Variants in SMYD3 observed in about 807,000 individuals in gnomAD.
SMYD3 encodes the protein histone-lysine N-methyltransferase SMYD3.
Under a neutral mutation model 57.7 loss-of-function variants are expected in SMYD3, and 36 were observed. The ratio of observed to expected loss-of-function variants is 0.62; its 90% confidence interval spans 0.48 to 0.82. SMYD3 has a LOEUF of 0.82. SMYD3 is among the 40% of genes least tolerant of loss of function. The pLI, the probability that SMYD3 is intolerant of heterozygous loss-of-function variation, is 0.00. For synonymous variants in SMYD3, 211 were observed against 195.0 expected (o/e 1.08, Z -0.68); for missense variants, 515 against 538.8 (o/e 0.96, Z 0.44).
intron 5 of SMYD3, among the ~76,000 whole-genome samples, chr1:246,173,971 T>G (rs1165981495): frequency 1.3e-5 from 2 of 152,066 alleles, no homozygotes; most frequent in African/African-American, 4.8e-5. Context: ...CACACCTGAC[T>G]ATTTTTTATT....
intron 5 of SMYD3, among the ~76,000 whole-genome samples, chr1:246,275,875 T>C (rs2064321649): frequency 6.6e-6 from 1 of 152,146 alleles, no homozygotes; most frequent in Admixed American, 6.5e-5. Context: ...CTAGCCGTAT[T>C]AACACTGGCA....
At position 245,817,599 on chromosome 1, in the gene SMYD3, G is replaced by C. The variant is rs1420534952; in HGVS notation, c.1076+40897C>G. ...AGGCTTCAGACGATCAAATTACTCT[G>C]AGCTATGGGAGGACATTCAAACCAA... is the stretch of plus-strand genomic sequence containing the variant. On this transcript the variant is annotated intron_variant, in intron 10 of 11. Coordinates refer to ENST00000490107, the MANE Select transcript of SMYD3 (RefSeq NM_001167740.2). 9.5e-4 allele frequency among the ~76,000 whole-genome samples: 145 copies of C among 152,090 alleles called. 1 individual carries two copies. In the South Asian group the frequency reaches 0.03, roughly 31 times the overall value.
At chr1:246,332,120 A>T (rs1191416773) in intron 3 of SMYD3, among the ~76,000 whole-genome samples, 2 of 152,230 alleles carry the variant, frequency 1.3e-5, no homozygotes, top group African/African-American at 4.8e-5. Context: ...TCTCATTTTA[A>T]ATCAAAAGCT....
chr1:246,156,482 A>T (rs554082155), intron 5 of SMYD3, among the ~76,000 whole-genome samples: 5 of 152,354 alleles, frequency 3.3e-5, no homozygotes, highest in Admixed American at 3.3e-4. Context: ...CCCCATAAAA[A>T]TAAGTTCTAT....
intron 5 of SMYD3, among the ~76,000 whole-genome samples, chr1:245,943,861 CA>C (rs2057343744): frequency 6.6e-6 from 1 of 152,090 alleles, no homozygotes; most frequent in South Asian, 2.1e-4. Context: ...TAATTCATCA[CA>C]TAAATAGAAC....
intron 5 of SMYD3, among the ~76,000 whole-genome samples, chr1:245,972,680 G>T (rs901358554): frequency 2.6e-5 from 4 of 152,256 alleles, no homozygotes; most frequent in Non-Finnish European, 4.4e-5. Context: ...AAGTGAAAGA[G>T]TTGGGAACTG....
intron 5 of SMYD3, among the ~76,000 whole-genome samples, chr1:246,128,413 T>C (rs1197279883): frequency 6.6e-6 from 1 of 152,236 alleles, no homozygotes; most frequent in African/African-American, 2.4e-5. Context: ...ACAGGGTAAG[T>C]TAACCAGTAT....
At chr1:246,478,363 C>A (rs74155516) in intron 1 of SMYD3, among the ~76,000 whole-genome samples, 1 of 145,086 alleles carries the variant, frequency 6.9e-6, no homozygotes, top group African/African-American at 2.9e-5. Context: ...GCACACCTGT[C>A]CTCTGTCCTG....
At chr1:246,073,793 C>T (rs2060497994) in intron 5 of SMYD3, among the ~76,000 whole-genome samples, 1 of 152,124 alleles carries the variant, frequency 6.6e-6, no homozygotes, top group Admixed American at 6.6e-5. Context: ...TTATGGCATT[C>T]AAGATAGTGT....
chr1:246,142,009 T>A (rs1227711497), intron 5 of SMYD3, among the ~76,000 whole-genome samples: 2 of 152,232 alleles, frequency 1.3e-5, no homozygotes, highest in African/African-American at 2.4e-5. Flanking sequence ...AAGATAGCAG[T>A]CACTAAGAAT....
At chr1:245,796,703 T>C (rs2047536769) in intron 10 of SMYD3, among the ~76,000 whole-genome samples, 1 of 152,188 alleles carries the variant, frequency 6.6e-6, no homozygotes, top group Non-Finnish European at 1.5e-5. Context: ...TTGCATATTC[T>C]CATGTGAGTG....
At chr1:245,845,831 T>C (rs564592699) in intron 10 of SMYD3, among the ~76,000 whole-genome samples, 1 of 152,266 alleles carries the variant, frequency 6.6e-6, no homozygotes, top group African/African-American at 2.4e-5. Context: ...AGACTATTTC[T>C]GAGTGGAATA....
At chr1:246,307,124 G>A (rs1209463372) in intron 5 of SMYD3, among the ~76,000 whole-genome samples, 1 of 152,110 alleles carries the variant, frequency 6.6e-6, no homozygotes, top group African/African-American at 2.4e-5. Context: ...CACACTTTTA[G>A]TCCACATGAA....
chr1:245,843,540 A>ATG (rs10531765), intron 10 of SMYD3, among the ~76,000 whole-genome samples: 102 of 149,656 alleles, frequency 6.8e-4, no homozygotes, highest in African/African-American at 1.8e-3. Context: ...GTATATATAT[A>ATG]TGTGTGTGTG....
At chr1:246,463,716 G>A (rs1324864655) in intron 1 of SMYD3, among the ~76,000 whole-genome samples, 1 of 140,502 alleles carries the variant, frequency 7.1e-6, no homozygotes, top group African/African-American at 2.6e-5. Context: ...GGCGCCTGTA[G>A]TCCCAGCTAC....
intron 5 of SMYD3, among the ~76,000 whole-genome samples, chr1:246,313,410 G>A (rs957188901): frequency 3.3e-5 from 5 of 152,144 alleles, no homozygotes; most frequent in African/African-American, 9.7e-5. Context: ...AGTCACACAC[G>A]CCTCTGCAGA....
At chr1:246,012,057 C>T (rs999384034) in intron 5 of SMYD3, among the ~76,000 whole-genome samples, 8 of 152,124 alleles carry the variant, frequency 5.3e-5, no homozygotes, top group Non-Finnish European at 1.0e-4. Context: ...CTGATACTGG[C>T]TACCAACTGC....
chr1:245,862,002 C>CT (rs1391587401), intron 9 of SMYD3, among the ~76,000 whole-genome samples: 1 of 96,050 alleles, frequency 1.0e-5, no homozygotes, highest in Non-Finnish European at 3.2e-5. Flanking sequence ...CCCAATACCG[C>CT]TGCCAGGGAC....
chr1:246,231,731 T>C (rs975676133), intron 5 of SMYD3, among the ~76,000 whole-genome samples: 1 of 152,188 alleles, frequency 6.6e-6, no homozygotes, highest in African/African-American at 2.4e-5. Flanking sequence ...AGGCATGGCA[T>C]GAATGATAAT....
Sources: allele counts gnomAD v4.1 joint callset (sites outside exome capture counted in the v4.1 genomes callset), GRCh38; gene constraint gnomAD v4.1.1; transcripts MANE v1.5; gene names NCBI Gene and HGNC (gene_info 2026-07-23, HGNC 2026-07-21).